Variants in NEB observed in about 807,000 individuals in gnomAD.
NEB encodes nemaline myopathy type 2.
In NEB, 512 loss-of-function variants were observed where a neutral mutation model predicts 952.2. That is an observed-to-expected ratio of 0.54 (90% CI 0.50 to 0.58). The LOEUF (loss-of-function observed/expected upper bound fraction) is 0.58, where lower values mean the gene tolerates loss of function less well. Among genes scored for constraint, NEB ranks in the 20% least tolerant of loss-of-function variants. NEB has a pLI of 0.00. For missense variants in NEB, 8,428 were observed against 9,231.1 expected, an observed-to-expected ratio of 0.91 and a Z score of 3.56; for synonymous variants, 2,900 against 3,149.8, an observed-to-expected ratio of 0.92 and a Z score of 2.66.
chr2:151,648,554 C>T (rs2098991979), intron 54 of NEB, among the ~76,000 whole-genome samples: 1 of 152,188 alleles, frequency 6.6e-6, no homozygotes, highest in African/African-American at 2.4e-5. Flanking sequence ...ATTGTACCCA[C>T]CAAGCAAACA....
chr2:151,498,498 T>C (rs542134067), intron 169 of NEB, 146 bp from the exon 170 acceptor site: 2 of 606,236 alleles, frequency 3.3e-6, no homozygotes, highest in Admixed American at 6.0e-5. Flanking sequence ...AACCTGTTTG[T>C]TTGAGCCTAA....
intron 46 of NEB, among the ~76,000 whole-genome samples, chr2:151,660,484 A>C (rs1274380912): frequency 1.3e-5 from 2 of 152,046 alleles, no homozygotes; most frequent in African/African-American, 2.4e-5. Flanking sequence ...TTTAACAGAA[A>C]CTCCCTTACA....
At chr2:151,555,556 G>C (rs193238639) in intron 124 of NEB, among the ~76,000 whole-genome samples, 7 of 152,186 alleles carry the variant, frequency 4.6e-5, no homozygotes, top group Non-Finnish European at 8.8e-5. Flanking sequence ...AACTTCTGTG[G>C]GATAACAATT....
intron 119 of NEB, among the ~76,000 whole-genome samples, chr2:151,563,308 C>T (rs942934122): frequency 6.6e-6 from 1 of 152,156 alleles, no homozygotes; most frequent in African/African-American, 2.4e-5. Flanking sequence ...GCCATTTCAC[C>T]TGGCCTGAAG....
chr2:151,548,658 C>T (rs1469750336), intron 130 of NEB, among the ~76,000 whole-genome samples: 8 of 152,258 alleles, frequency 5.3e-5, no homozygotes, highest in African/African-American at 7.2e-5. Flanking sequence ...ATCTGTTTGT[C>T]GGAAGGTATG....
Position 151,650,265 on chromosome 2 carries a change from G to A in NEB, c.7342C>T (p.Arg2448Cys), listed in dbSNP as rs576076237. The change falls in exon 54 of 182, where the codon CGT (arginine) becomes TGT (cysteine). Residue 2448 changes from arginine to cysteine, a missense_variant. Arg to Cys is a radical substitution (Grantham distance 180). Transcript: ENST00000397345. Reference protein sequence around the residue: ...ASEIISEKKYRQPPDRNKFTS... With the variant: ...ASEIISEKKYCQPPDRNKFTS... ...AACTTGTTTCTGTCTGGAGGCTGAC[G>A]ATATTTCTTCTCACTGATGATTTCC... The A allele has an allele frequency of 8.7e-5, 141 of 1,613,778 alleles. 1 individual carries two copies. In the East Asian group the frequency reaches 2.8e-3, roughly 32 times the overall value.
chr2:151,494,110 G>GC (rs2058555528), intron 174 of NEB, 51 bp downstream of exon 174: 12 of 1,463,126 alleles, frequency 8.2e-6, no homozygotes, highest in Non-Finnish European at 1.0e-5. Context: ...AGGCCAAACT[G>GC]CAAGAGTTAT....
At position 151,694,620 on chromosome 2, in the gene NEB, T is replaced by C. The variant is rs765974715; in HGVS notation, c.1684A>G (p.Lys562Glu). 1.9e-6 allele frequency: 3 copies of C among 1,582,434 alleles called. No individual in the cohort carries two copies. The highest frequency in any genetic ancestry group is 2.6e-6 in the Non-Finnish European group (3 of 1,163,056). The change falls in exon 19 of 182, where the codon AAG becomes GAG. Residue 562 changes from lysine (K) to glutamate (E), a missense_variant. Lys to Glu is a moderately conservative substitution (Grantham distance 56, BLOSUM62 1). Coordinates refer to ENST00000397345, the MANE Select transcript of NEB (RefSeq NM_001164508.2). ...GCTTTGCTCTTCTCCCAGTCTTGCTTATAAAGATTCTGGACAAAAAAATTC... is the reference window on the plus strand; with the variant it reads ...GCTTTGCTCTTCTCCCAGTCTTGCTCATAAAGATTCTGGACAAAAAAATTC... Reference protein sequence around the residue: ...NAYNLSDNLYKQDWEKSKAKK... With the variant: ...NAYNLSDNLYEQDWEKSKAKK...
Position 151,508,097 on chromosome 2 carries a change from C to T in NEB, c.23359G>A (p.Glu7787Lys), listed in dbSNP as rs1476557676. ...KNLSSQKKYKEDAEKSMSYYE... is the reference protein window; with the variant it reads ...KNLSSQKKYKKDAEKSMSYYE... The stretch of plus-strand genomic sequence containing the variant: ...TACGACATGGACTTCTCAGCATCTT[C>T]CTTGTACTTTTTCTGGGAATAGATT... Residue 7787 changes from glutamate to lysine, a missense_variant, in exon 162 of 182, where the codon GAA (glutamate) becomes AAA (lysine). By Grantham distance (56) the Glu-to-Lys change is moderately conservative. Coordinates refer to ENST00000397345, the MANE Select transcript of NEB (RefSeq NM_001164508.2). The T allele has an allele frequency of 9.3e-6, 15 of 1,604,790 alleles. No individual in the cohort carries two copies. The highest frequency in any genetic ancestry group is 1.3e-5 in the Non-Finnish European group (15 of 1,174,782).
chr2:151,709,645 T>C lies in NEB; in HGVS notation c.1035+11A>G. 2 of 1,567,162 alleles carry C rather than the reference T, an allele frequency of 1.3e-6. No individual in the cohort carries two copies. The highest frequency in any genetic ancestry group is 1.7e-6 in the Non-Finnish European group (2 of 1,150,348). On this transcript the variant is annotated intron_variant, in intron 12 of 181. Coordinates refer to ENST00000397345, the MANE Select transcript of NEB (RefSeq NM_001164508.2). ...CAAACCATCAAGATAAATGGGATGA[T>C]TTCCTCATACCTTGCTAGCTGCCAC...
intron 142 of NEB, among the ~76,000 whole-genome samples, chr2:151,534,790 T>C (rs1401898798): frequency 1.3e-5 from 2 of 152,088 alleles, no homozygotes; most frequent in African/African-American, 2.4e-5. Context: ...AATAGAAAAA[T>C]AGAAACAAAA....
rs1481356421 is a variant in NEB, at chr2:151,503,379, T to A, written c.23805A>T (p.Arg7935Ser). The change falls in exon 166 of 182, where the codon AGA (arginine) becomes AGT (serine). Residue 7935 changes from arginine (R) to serine (S), a missense_variant. Coordinates refer to ENST00000397345, the MANE Select transcript of NEB (RefSeq NM_001164508.2). ...TAAAGTTCTCTTGATTGCGTTTGACTCTCTCAATCTCTGGAGTCACAGTGG... is the reference window on the plus strand; with the variant it reads ...TAAAGTTCTCTTGATTGCGTTTGACACTCTCAATCTCTGGAGTCACAGTGG... ...IPTTVTPEIE[R>S]VKRNQENFSS... is the part of the protein sequence containing the mutation. 1 of 1,612,472 alleles carries A rather than the reference T, an allele frequency of 6.2e-7. No homozygotes were observed. The highest frequency in any genetic ancestry group is 1.1e-5 in the South Asian group (1 of 90,964).
rs1296953512 is a variant in NEB, at chr2:151,561,027, T to G, written c.19183A>C (p.Asn6395His). 3.7e-6 allele frequency: 6 copies of G among 1,607,888 alleles called. 1 individual carries two copies. The South Asian group carries it at 6.6e-5, about 18-fold the overall frequency. Reference sequence around the variant, plus strand: ...ACACTGCTGTAAAGATTCTTCAGGTTTCTGGTTCTGTCATAATCCACTGTT... The same window carrying G: ...ACACTGCTGTAAAGATTCTTCAGGTGTCTGGTTCTGTCATAATCCACTGTT... ...LETVDYDRTR[N>H]LKNLYSSNLY... Residue 6395 changes from asparagine (N) to histidine (H), a missense_variant, in exon 123 of 182, where the codon AAC (asparagine) becomes CAC (histidine). Coordinates refer to ENST00000397345, the MANE Select transcript of NEB (RefSeq NM_001164508.2).
At chr2:151,681,444 C>T (rs1006598255) in intron 29 of NEB, among the ~76,000 whole-genome samples, 39 of 152,188 alleles carry the variant, frequency 2.6e-4, no homozygotes, top group African/African-American at 9.4e-4. Context: ...TTCTAGCTAC[C>T]TTATTCCTGT....
Position 151,640,492 on chromosome 2 carries a change from G to A in NEB, c.8548C>T (p.Leu2850=), listed in dbSNP as rs1184383104. ...KTKFSSPVDM[L]GVVLAKKCQT... ...CACTTCTTGGCCAGCACCACCCCCA[G>A]CATGTCCACTGGGCTGCTGAACTTG... Residue 2850 remains leucine, a synonymous_variant, in exon 61 of 182, where the codon CTG becomes TTG. Transcript: ENST00000397345. 1.2e-6 allele frequency: 2 copies of A among 1,613,760 alleles called. No individual in the cohort carries two copies. Among genetic ancestry groups the A allele is most frequent in the Non-Finnish European group, 1.7e-6 (2 of 1,179,872 alleles).
At chr2:151,651,861 G>C (rs745689099) in intron 52 of NEB, among the ~76,000 whole-genome samples, 2 of 152,124 alleles carry the variant, frequency 1.3e-5, no homozygotes, top group Non-Finnish European at 2.9e-5. Context: ...TTTTTAAAAA[G>C]CAGTGCCATA....
chr2:151,655,228 G>A (rs753826855), intron 51 of NEB, 42 bp downstream of exon 51: 2 of 1,137,326 alleles, frequency 1.8e-6, no homozygotes, highest in Non-Finnish European at 1.3e-6. Context: ...AAGTTCATAA[G>A]TTTCAATACA....
chr2:151,662,040 C>A (rs1448171867), intron 46 of NEB, 95 bp downstream of exon 46: 1 of 1,067,426 alleles, frequency 9.4e-7, no homozygotes, highest in East Asian at 2.6e-5. Context: ...AGTGTGATGC[C>A]CTATAACTGT....
At chr2:151,671,675 G>T (rs1047736568) in intron 37 of NEB, among the ~76,000 whole-genome samples, 4 of 152,112 alleles carry the variant, frequency 2.6e-5, no homozygotes, top group African/African-American at 4.8e-5. Flanking sequence ...AATAAATTGG[G>T]CTTTCCTTTT....
Sources: gnomAD v4.1 joint callset for allele counts (sites outside exome capture counted in the v4.1 genomes callset) on GRCh38, gnomAD v4.1.1 for gene constraint, MANE v1.5 for transcripts, NCBI Gene and HGNC (gene_info 2026-07-23, HGNC 2026-07-21) for gene names.